Variants in TIMP4 observed in about 807,000 individuals in gnomAD.
TIMP4 encodes metalloproteinase inhibitor 4.
In TIMP4, 28 loss-of-function variants were observed where a neutral mutation model predicts 27.3. That is an observed-to-expected ratio of 1.03 (90% CI 0.76 to 1.41). TIMP4 has a LOEUF of 1.41. TIMP4 is among the 40% of genes most tolerant of loss of function. The probability of loss-of-function intolerance (pLI) is 0.00; values close to 1 mark genes in which losing one functional copy is unlikely to be tolerated. For synonymous variants in TIMP4, 138 were observed against 115.5 expected (o/e 1.20, Z -1.25); for missense variants, 307 against 285.5 (o/e 1.08, Z -0.54).
At chr3:12,154,189 CTG>C in intron 4 of TIMP4, 136 bp downstream of exon 4, 1 of 1,311,200 alleles carries the variant, frequency 7.6e-7, no homozygotes, top group Non-Finnish European at 1.1e-6. Flanking sequence ...GGCCTATAGA[CTG>C]TATTGCTTTC....
At chr3:12,157,274 C>G in intron 2 of TIMP4, 111 bp downstream of exon 2, 1 of 970,248 alleles carries the variant, frequency 1.0e-6, no homozygotes, top group Non-Finnish European at 1.6e-6. Flanking sequence ...AGTATCTAGA[C>G]CCAAGGATTA....
At position 12,153,484 on chromosome 3, in the gene TIMP4, CTT is replaced by C; in HGVS notation, c.*29_*30del. ...GAGAACTGGCTTGATCTTCAGGACT[CTT>C]GAAGGGATGTGATGGTCACTGGTCC... On this transcript the variant is annotated 3_prime_UTR_variant, in exon 5 of 5. Transcript: ENST00000287814. 1.2e-6 allele frequency: 2 copies of C among 1,611,738 alleles called. No homozygotes were observed. Among genetic ancestry groups the C allele is most frequent in the South Asian group, 2.2e-5 (2 of 90,928 alleles).
chr3:12,158,572 G>A (rs1033216237), intron 1 of TIMP4, 130 bp downstream of exon 1: 1 of 1,381,030 alleles, frequency 7.2e-7, no homozygotes, highest in African/African-American at 1.5e-5. Context: ...CCACCCATCA[G>A]CCTCAGCAAG....
intron 3 of TIMP4, among the ~76,000 whole-genome samples, chr3:12,155,100 A>G (rs1397181003): frequency 3.2e-5 from 2 of 61,542 alleles, no homozygotes; most frequent in African/African-American, 9.5e-5. Context: ...AGACCCTTTC[A>G]GTGCCACCTC....
rs1697354886 is a variant in TIMP4, at chr3:12,153,191, C to T, written c.*324G>A. On this transcript the variant is annotated 3_prime_UTR_variant, in exon 5 of 5. Coordinates refer to ENST00000287814, the MANE Select transcript of TIMP4 (RefSeq NM_003256.4). The stretch of plus-strand genomic sequence containing the variant: ...ATTCGCCATTTCTCCCCTACCAGAT[C>T]GATTAAGACAAAGGAAAACACATAT... 29 of 408,752 alleles carry T rather than the reference C, an allele frequency of 7.1e-5. No homozygotes were observed. In the South Asian group the frequency reaches 7.3e-4, roughly 10 times the overall value. 25.3% of individuals were successfully genotyped at this position (408,752 alleles called of 1,614,324 possible).
intron 1 of TIMP4, 27 bp from the exon 2 acceptor site, chr3:12,157,509 C>T (rs772838118): frequency 3.9e-5 from 63 of 1,609,208 alleles, no homozygotes; most frequent in Admixed American, 1.7e-5. Flanking sequence ...AAGAGGGAAC[C>T]TTCAGCAGCT....
intron 3 of TIMP4, 151 bp downstream of exon 3, chr3:12,156,669 G>A: frequency 1.7e-6 from 1 of 586,630 alleles, no homozygotes. Flanking sequence ...TAACCCAGAG[G>A]TTGTCTGTCA....
chr3:12,155,209 A>T (rs1348625883), intron 3 of TIMP4, among the ~76,000 whole-genome samples: 2 of 152,224 alleles, frequency 1.3e-5, no homozygotes, highest in Admixed American at 1.3e-4. Context: ...TAGTACCAGG[A>T]ATACAGATAT....
chr3:12,158,793 C>T lies in TIMP4; in HGVS notation c.48G>A (p.Arg16=). ...CCGGGGGCCGCAGCAACGCCAGCAG[C>T]CGCAGCAACAGCACCCAGCTTGGCG... ...RPAPSWVLLL[R]LLALLRPPGL... The change falls in exon 1 of 5, where the codon CGG becomes CGA. Residue 16 remains arginine (R), a synonymous_variant. Transcript: ENST00000287814. The T allele has an allele frequency of 6.2e-7, 1 of 1,603,314 alleles. No individual in the cohort carries two copies. Among genetic ancestry groups the T allele is most frequent in the Non-Finnish European group, 8.5e-7 (1 of 1,178,132 alleles).
At chr3:12,156,971 A>G in intron 2 of TIMP4, 37 bp from the exon 3 acceptor site, 1 of 1,467,108 alleles carries the variant, frequency 6.8e-7, no homozygotes, top group Non-Finnish European at 9.6e-7. Context: ...ATATTGGGTC[A>G]GTGAGTGTAC....
chr3:12,155,679 T>C (rs1050195473), intron 3 of TIMP4, among the ~76,000 whole-genome samples: 2 of 152,180 alleles, frequency 1.3e-5, no homozygotes, highest in African/African-American at 2.4e-5. Flanking sequence ...CTGGGCACCA[T>C]TGATAACTTT....
intron 3 of TIMP4, among the ~76,000 whole-genome samples, chr3:12,154,932 G>T (rs764837234): frequency 6.6e-6 from 1 of 152,174 alleles, no homozygotes; most frequent in Non-Finnish European, 1.5e-5. Context: ...GCCCTTCCCA[G>T]TATCTGCACA....
At position 12,154,382 on chromosome 3, in the gene TIMP4, G is replaced by T; in HGVS notation, c.422C>A (p.Ser141Tyr). 6.2e-7 allele frequency: 1 copy of T among 1,614,194 alleles called. No individual in the cohort carries two copies. Among genetic ancestry groups the T allele is most frequent in the Non-Finnish European group, 8.5e-7 (1 of 1,180,042 alleles). Residue 141 changes from serine (S) to tyrosine (Y), a missense_variant, in exon 4 of 5, where the codon TCC becomes TAC. By Grantham distance (144) the Ser-to-Tyr change is moderately radical. Transcript: ENST00000287814. ...CNYIEPWEDL[S>Y]LVQRESLNHH... is the part of the protein sequence containing the mutation. ...ATTCAGACTTTCCCTCTGCACCAAGGACAGGTCCTCCCAGGGCTCGATGTA... is the reference window on the plus strand; with the variant it reads ...ATTCAGACTTTCCCTCTGCACCAAGTACAGGTCCTCCCAGGGCTCGATGTA...
intron 3 of TIMP4, among the ~76,000 whole-genome samples, chr3:12,155,711 T>G (rs892587466): frequency 7.2e-5 from 11 of 152,204 alleles, no homozygotes; most frequent in African/African-American, 2.7e-4. Flanking sequence ...TTTTTGTCAT[T>G]TCTCCCCACC....
In TIMP4 at chr3:12,153,485, T is replaced by C. The variant is rs1489327230; in HGVS notation, c.*30A>G. On this transcript the variant is annotated 3_prime_UTR_variant, in exon 5 of 5. Coordinates refer to ENST00000287814, the MANE Select transcript of TIMP4 (RefSeq NM_003256.4). ...AGAACTGGCTTGATCTTCAGGACTC[T>C]TGAAGGGATGTGATGGTCACTGGTC... The C allele has an allele frequency of 1.9e-6, 3 of 1,611,542 alleles. No individual in the cohort carries two copies. The highest frequency in any genetic ancestry group is 2.2e-5 in the East Asian group (1 of 44,868).
At chr3:12,155,168 A>G (rs1468319612) in intron 3 of TIMP4, among the ~76,000 whole-genome samples, 3 of 152,144 alleles carry the variant, frequency 2.0e-5, no homozygotes, top group Non-Finnish European at 4.4e-5. Flanking sequence ...CAGTCGCTCA[A>G]TCATTTACTC....
In TIMP4 at chr3:12,153,499, T is replaced by C; in HGVS notation, c.*16A>G. 1.2e-6 allele frequency: 2 copies of C among 1,612,670 alleles called. No homozygotes were observed. The highest frequency in any genetic ancestry group is 8.5e-7 in the Non-Finnish European group (1 of 1,179,946). On this transcript the variant is annotated 3_prime_UTR_variant, in exon 5 of 5. Transcript: ENST00000287814. ...CTTCAGGACTCTTGAAGGGATGTGA[T>C]GGTCACTGGTCCCTACTAGGGCTGA...
intron 3 of TIMP4, among the ~76,000 whole-genome samples, chr3:12,155,002 T>A (rs1697414256): frequency 2.3e-5 from 1 of 43,414 alleles, no homozygotes; most frequent in African/African-American, 6.0e-5. Flanking sequence ...AATTTCCCCC[T>A]TTTTACCTAT....
chr3:12,153,342 G>T lies in TIMP4; in HGVS notation c.*173C>A. ...AGGCAGGGGCAACAGGCTGAGGGCAGGGCAGAAAAGTCATGGCCCCTTCCC... is the reference window on the plus strand; with the variant it reads ...AGGCAGGGGCAACAGGCTGAGGGCATGGCAGAAAAGTCATGGCCCCTTCCC... On this transcript the variant is annotated 3_prime_UTR_variant, in exon 5 of 5. Transcript: ENST00000287814. The T allele has an allele frequency of 1.4e-6, 1 of 712,762 alleles. No individual in the cohort carries two copies. The highest frequency in any genetic ancestry group is 2.4e-6 in the Non-Finnish European group (1 of 413,764). The allele number at this position is 712,762 out of a possible 1,614,324, so 44.2% of individuals were successfully genotyped here. A position where few individuals can be genotyped will look rare whatever the true frequency, so the allele number is the denominator to read the frequency against.
Sources: gnomAD v4.1 joint callset for allele counts (sites outside exome capture counted in the v4.1 genomes callset) on GRCh38, gnomAD v4.1.1 for gene constraint, MANE v1.5 for transcripts, NCBI Gene and HGNC (gene_info 2026-07-23, HGNC 2026-07-21) for gene names.